MAP4: variants seen among roughly 807,000 people sequenced by gnomAD.
MAP4 encodes the protein microtubule associated protein 4.
Under a neutral mutation model 170.2 loss-of-function variants are expected in MAP4, and 76 were observed. The ratio of observed to expected loss-of-function variants is 0.45; its 90% CI spans 0.37 to 0.54. MAP4 has a LOEUF of 0.54. Among genes scored for constraint, MAP4 ranks in the 20% least tolerant of loss-of-function variants. MAP4 has a pLI of 0.00. For missense variants in MAP4, 2,506 were observed against 2,748.0 expected (o/e 0.91, Z 1.97); for synonymous variants, 909 against 994.5 (o/e 0.91, Z 1.62).
intron 1 of MAP4, among the ~76,000 whole-genome samples, chr3:48,048,180 C>T (rs538311603): frequency 3.9e-5 from 6 of 152,270 alleles, no homozygotes; most frequent in Admixed American, 6.5e-5. Context: ...AAAAAGCAGA[C>T]AATATTAACT....
chr3:48,058,745 C>A (rs1354154643), intron 1 of MAP4, among the ~76,000 whole-genome samples: 1 of 152,120 alleles, frequency 6.6e-6, no homozygotes, highest in East Asian at 1.9e-4. Context: ...TGCATAAACA[C>A]CTGATTTGAA....
chr3:48,049,900 T>C (rs903704439), intron 1 of MAP4, among the ~76,000 whole-genome samples: 1 of 151,708 alleles, frequency 6.6e-6, no homozygotes. Context: ...ATCGCACCAC[T>C]GCACTCCAGC....
intron 1 of MAP4, among the ~76,000 whole-genome samples, chr3:48,061,803 C>A: frequency 6.6e-6 from 1 of 151,616 alleles, no homozygotes; most frequent in Non-Finnish European, 1.5e-5. Flanking sequence ...GGGGGGCAGC[C>A]CCCACCCGGC....
At chr3:48,042,198 A>T (rs1185940264) in intron 1 of MAP4, among the ~76,000 whole-genome samples, 1 of 152,188 alleles carries the variant, frequency 6.6e-6, no homozygotes, top group Non-Finnish European at 1.5e-5. Context: ...GTGTGGGGAG[A>T]GGCAGTCTTG....
Position 47,857,713 on chromosome 3 carries a change from C to CT in MAP4, c.6502-202dup, listed in dbSNP as rs112833712. Among the ~76,000 whole-genome samples the CT allele has an allele frequency of 4.4e-3, 643 of 145,694 alleles. 3 individuals carry two copies. The highest frequency in any genetic ancestry group is 6.1e-3 in the Non-Finnish European group (402 of 65,854). On this transcript the variant is annotated intron_variant, in intron 17 of 20. Transcript: ENST00000683076. ...CCACCCTGGCCCTGCTCTTCACTTC[C>CT]TTTTTTTTTTTTAAAGATGGAGTCT...
chr3:47,895,770 T>TA (rs2100026508), intron 10 of MAP4, among the ~76,000 whole-genome samples: 1 of 152,152 alleles, frequency 6.6e-6, no homozygotes, highest in Non-Finnish European at 1.5e-5. Context: ...ATTCTATCCA[T>TA]AAACAGCAGA....
intron 1 of MAP4, among the ~76,000 whole-genome samples, chr3:48,061,323 C>A (rs1386049479): frequency 1.3e-5 from 2 of 151,658 alleles, no homozygotes; most frequent in African/African-American, 2.4e-5. Flanking sequence ...CTGCCGAGTG[C>A]CTGCGATTGC....
chr3:48,011,976 C>A (rs1274078991), intron 1 of MAP4, among the ~76,000 whole-genome samples: 1 of 152,166 alleles, frequency 6.6e-6, no homozygotes, highest in East Asian at 1.9e-4. Flanking sequence ...GAACTTTAAT[C>A]CGGAAACTGT....
At chr3:48,033,106 T>C (rs565597896) in intron 1 of MAP4, among the ~76,000 whole-genome samples, 61 of 152,324 alleles carry the variant, frequency 4.0e-4, no homozygotes, top group Admixed American at 1.0e-3. Flanking sequence ...ATATATTTGT[T>C]CAAAGTCATC....
chr3:47,991,034 T>C (rs1330841645), intron 2 of MAP4, among the ~76,000 whole-genome samples: 7 of 152,164 alleles, frequency 4.6e-5, no homozygotes, highest in Admixed American at 1.3e-4. Context: ...CAAGAATAAG[T>C]TGAAGTGCAA....
intron 9 of MAP4, among the ~76,000 whole-genome samples, chr3:47,908,665 C>A (rs535341564): frequency 2.0e-5 from 3 of 152,086 alleles, no homozygotes; most frequent in Non-Finnish European, 4.4e-5. Flanking sequence ...TCCTGTGAAT[C>A]CTTATACCAA....
intron 4 of MAP4, among the ~76,000 whole-genome samples, chr3:47,927,158 C>CA (rs544565652): frequency 0.2 from 20,950 of 105,542 alleles, 3,539 homozygotes; most frequent in African/African-American, 0.47. Flanking sequence ...GACTCTGTCT[C>CA]AAAAAAAAAA....
At chr3:48,062,865 T>C (rs1278684131) in intron 1 of MAP4, among the ~76,000 whole-genome samples, 1 of 151,192 alleles carries the variant, frequency 6.6e-6, no homozygotes, top group Non-Finnish European at 1.5e-5. Context: ...CGGGAGGTTG[T>C]TGTGAGCCAA....
chr3:47,888,363 G>A (rs2097990363), intron 10 of MAP4, among the ~76,000 whole-genome samples: 1 of 152,042 alleles, frequency 6.6e-6, no homozygotes. Context: ...TCACTCTTTG[G>A]GTCCACTCTG....
Position 47,871,918 on chromosome 3 carries a change from A to C in MAP4, c.5940T>G (p.Thr1980=), listed in dbSNP as rs1353797047. The change falls in exon 13 of 21, where the codon ACT becomes ACG. Residue 1980 remains threonine (T), a splice_region_variant and synonymous_variant. Coordinates refer to ENST00000683076, the MANE Select transcript of MAP4 (RefSeq NM_001385682.1). ...SPSTLLPKKP[T]AIKTEGKPAE... The stretch of plus-strand genomic sequence containing the variant: ...ATGGGAGAGAAAGGCAATACTCACC[A>C]GTGGGCTTCTTGGGCAGGAGCGTGG... 6.2e-7 allele frequency: 1 copy of C among 1,608,880 alleles called. No homozygotes were observed. Among genetic ancestry groups the C allele is most frequent in the Admixed American group, 1.7e-5 (1 of 59,662 alleles).
intron 4 of MAP4, among the ~76,000 whole-genome samples, chr3:47,927,890 A>G (rs1156940711): frequency 6.6e-6 from 1 of 152,272 alleles, no homozygotes; most frequent in Non-Finnish European, 1.5e-5. Context: ...TAAAGGCTCT[A>G]GCACTGTGCC....
chr3:47,986,093 T>C (rs2100088486), intron 2 of MAP4, among the ~76,000 whole-genome samples: 1 of 152,226 alleles, frequency 6.6e-6, no homozygotes, highest in Non-Finnish European at 1.5e-5. Context: ...TGGTAGGTTC[T>C]TGGCTCTGTT....
At chr3:48,068,610 C>T (rs2100139484) in intron 1 of MAP4, among the ~76,000 whole-genome samples, 1 of 151,808 alleles carries the variant, frequency 6.6e-6, no homozygotes, top group Non-Finnish European at 1.5e-5. Flanking sequence ...CGGTGAAATC[C>T]CATCTCTACT....
At position 47,911,674 on chromosome 3, in the gene MAP4, CT is replaced by C; in HGVS notation, c.2746del (p.Ser916AlafsTer4). ...APHLKTPVDK[S>X]QSVGPLNLKG... ...CAGATTGAGAGGGCCTACTGACTGGCTTTTATCTACAGGAGTCTTCAGGTGG... is the reference window on the plus strand; with the variant it reads ...CAGATTGAGAGGGCCTACTGACTGGCTTTATCTACAGGAGTCTTCAGGTGG... On this transcript the variant is annotated frameshift_variant, in exon 9 of 21. Transcript: ENST00000683076. LOFTEE classifies it high-confidence loss of function. The surrounding 1 kb of genome is among the most constrained non-coding windows in gnomAD (Gnocchi z 4.0). 1 of 1,536,028 alleles carries C rather than the reference CT, an allele frequency of 6.5e-7. No homozygotes were observed. Among genetic ancestry groups the C allele is most frequent in the Non-Finnish European group, 8.7e-7 (1 of 1,146,868 alleles).
Sources: gnomAD v4.1 joint callset for allele counts (sites outside exome capture counted in the v4.1 genomes callset) on GRCh38, gnomAD v4.1.1 for gene constraint, Gnocchi (gnomAD v3.1) non-coding constraint, MANE v1.5 for transcripts, NCBI Gene and HGNC (gene_info 2026-07-23, HGNC 2026-07-21) for gene names.